The following TRPM3 variants were observed in gnomAD, a reference collection of about 807,000 sequenced individuals.
The protein encoded by TRPM3 is transient receptor potential cation channel subfamily M member 3, also known as long transient receptor potential channel 3.
TRPM3 carries 77 observed loss-of-function variants against 181.2 expected under a neutral mutation model. The observed-to-expected ratio is 0.42, with a 90% CI of 0.35 to 0.51. The LOEUF (loss-of-function observed/expected upper bound fraction) is 0.51, where lower values mean the gene tolerates loss of function less well. Among genes scored for constraint, TRPM3 ranks in the 20% least tolerant of loss-of-function variants. The probability of loss-of-function intolerance (pLI) is 0.01; values close to 1 mark genes in which losing one functional copy is unlikely to be tolerated. For missense variants in TRPM3, 1,759 were observed against 2,196.7 expected (o/e 0.80, Z 3.98); for synonymous variants, 745 against 796.4 (o/e 0.94, Z 1.09).
chr9:71,018,598 A>G (rs969190945), intron 1 of TRPM3, among the ~76,000 whole-genome samples: 1 of 151,854 alleles, frequency 6.6e-6, no homozygotes, highest in African/African-American at 2.4e-5. Context: ...GACTCAATGA[A>G]GCTAACAAAA....
intron 1 of TRPM3, among the ~76,000 whole-genome samples, chr9:71,052,652 A>C (rs970224606): frequency 6.6e-6 from 1 of 152,106 alleles, no homozygotes; most frequent in Non-Finnish European, 1.5e-5. Flanking sequence ...ACGTCCATTC[A>C]AACAAACCAG....
chr9:71,063,261 C>T (rs78492166), intron 1 of TRPM3, among the ~76,000 whole-genome samples: 3,272 of 152,202 alleles, frequency 0.021, 45 homozygotes, highest in Middle Eastern at 0.054. Flanking sequence ...TGGAATGCTG[C>T]TCCTATGCAG....
intron 8 of TRPM3, among the ~76,000 whole-genome samples, chr9:70,688,532 A>C (rs2067599622): frequency 6.6e-6 from 1 of 152,110 alleles, no homozygotes; most frequent in Non-Finnish European, 1.5e-5. Context: ...ATTAGTGAAA[A>C]CATACCAGAC....
At chr9:71,288,092 A>C (rs1021667492) in intron 1 of TRPM3, among the ~76,000 whole-genome samples, 2 of 151,968 alleles carry the variant, frequency 1.3e-5, no homozygotes, top group African/African-American at 4.8e-5. Flanking sequence ...TGTTGGCTTG[A>C]TGGAAGTTTT....
intron 1 of TRPM3, among the ~76,000 whole-genome samples, chr9:70,993,607 A>T (rs1026240079): frequency 1.3e-5 from 2 of 152,004 alleles, no homozygotes; most frequent in African/African-American, 4.8e-5. Context: ...GTTCTGAATA[A>T]AGGTCAGAAC....
intron 1 of TRPM3, among the ~76,000 whole-genome samples, chr9:71,369,889 T>TC (rs1565505990): frequency 6.6e-6 from 1 of 152,172 alleles, no homozygotes; most frequent in Admixed American, 6.5e-5. Flanking sequence ...GCTCTCTTTT[T>TC]CCCCAACAGC....
chr9:70,653,585 A>G (rs560680958), intron 9 of TRPM3, among the ~76,000 whole-genome samples: 22 of 151,850 alleles, frequency 1.4e-4, no homozygotes, highest in Non-Finnish European at 2.2e-4. Context: ...TAATTTGGCT[A>G]AAATTCCTCA....
intron 1 of TRPM3, among the ~76,000 whole-genome samples, chr9:71,233,825 G>A (rs889048254): frequency 2.0e-5 from 3 of 152,346 alleles, no homozygotes; most frequent in Non-Finnish European, 2.9e-5. Flanking sequence ...TCTCTCTGCA[G>A]TGAAGCTCAA....
Position 70,610,744 on chromosome 9 carries a change from C to T in TRPM3, c.2532G>A (p.Met844Ile), listed in dbSNP as rs762205160. 1 of 1,614,096 alleles carries T rather than the reference C, an allele frequency of 6.2e-7. No homozygotes were observed. ...AGGACTCCCCGTTGTTTCGTCCCAACATTGCCTATGTTGGAAGAGAATCGA... is the reference window on the plus strand; with the variant it reads ...AGGACTCCCCGTTGTTTCGTCCCAATATTGCCTATGTTGGAAGAGAATCGA... ...KEEEDMELTA[M>I]LGRNNGESSR... Residue 844 changes from methionine to isoleucine, a missense_variant, in exon 19 of 26, where the codon ATG (methionine) becomes ATA (isoleucine). Around this residue, in one of 8 missense-constraint regions of TRPM3, gnomAD observed 114 missense variants for 134.8 expected, o/e 0.85. Coordinates refer to ENST00000677713, the MANE Select transcript of TRPM3 (RefSeq NM_001366145.2).
At chr9:71,009,241 TA>T (rs2097710724) in intron 1 of TRPM3, among the ~76,000 whole-genome samples, 1 of 151,960 alleles carries the variant, frequency 6.6e-6, no homozygotes, top group African/African-American at 2.4e-5. Flanking sequence ...GAGAAAGGAA[TA>T]AAGGGCACTC....
At chr9:70,991,562 T>TG (rs759788320) in intron 1 of TRPM3, among the ~76,000 whole-genome samples, 2 of 138,472 alleles carry the variant, frequency 1.4e-5, no homozygotes, top group South Asian at 2.1e-4. Context: ...TCTGTTTTTT[T>TG]TTTTTTTTTT....
chr9:71,204,281 C>CA (rs1427249809), intron 1 of TRPM3, among the ~76,000 whole-genome samples: 1 of 150,936 alleles, frequency 6.6e-6, no homozygotes, highest in African/African-American at 2.4e-5. Flanking sequence ...AGGCAACCTA[C>CA]AGAATGGGAG....
intron 3 of TRPM3, among the ~76,000 whole-genome samples, chr9:70,848,292 C>T (rs2095066342): frequency 1.3e-5 from 2 of 151,600 alleles, no homozygotes; most frequent in East Asian, 1.9e-4. Flanking sequence ...ATAATAGATC[C>T]AGAAGATAAA....
At chr9:70,949,972 C>T (rs1369024951) in intron 1 of TRPM3, among the ~76,000 whole-genome samples, 1 of 152,018 alleles carries the variant, frequency 6.6e-6, no homozygotes, top group Non-Finnish European at 1.5e-5. Context: ...AACTTGGATG[C>T]TAATTTGGCA....
intron 9 of TRPM3, among the ~76,000 whole-genome samples, chr9:70,660,470 C>G: frequency 6.6e-6 from 1 of 152,088 alleles, no homozygotes; most frequent in East Asian, 1.9e-4. Flanking sequence ...AATTTTCATC[C>G]TACATATGTT....
chr9:71,347,368 T>C (rs1344359847), intron 1 of TRPM3, among the ~76,000 whole-genome samples: 1 of 152,220 alleles, frequency 6.6e-6, no homozygotes, highest in African/African-American at 2.4e-5. Context: ...TTTTCTTGTT[T>C]TGTTTTCTGA....
intron 1 of TRPM3, among the ~76,000 whole-genome samples, chr9:71,232,409 T>C: frequency 6.6e-6 from 1 of 150,730 alleles, no homozygotes; most frequent in Admixed American, 6.6e-5. Context: ...ATCTATTCAC[T>C]ATAAAAATTG....
rs149658863 is a variant in TRPM3 at position 71,343,663 on chromosome 9, T to C, written c.183+102990A>G. Reference sequence around the variant, plus strand: ...AATATATATTTATATTCTATCTCTGTCCACTGAAAGGGCCTCCAAGTAATA... The same window carrying C: ...AATATATATTTATATTCTATCTCTGCCCACTGAAAGGGCCTCCAAGTAATA... On this transcript the variant is annotated intron_variant, in intron 1 of 24. Transcript: ENST00000357533. 1.6e-3 allele frequency among the ~76,000 whole-genome samples: 247 copies of C among 152,226 alleles called. 1 individual carries two copies. The highest frequency in any genetic ancestry group is 5.5e-3 in the African/African-American group (229 of 41,542).
chr9:70,765,944 AT>A (rs1182144963), intron 7 of TRPM3, among the ~76,000 whole-genome samples: 27 of 152,170 alleles, frequency 1.8e-4, no homozygotes, highest in Non-Finnish European at 3.5e-4. Flanking sequence ...CGGTCATAGT[AT>A]TATGTGAAAT....
Sources: gnomAD v4.1 joint callset for allele counts (sites outside exome capture counted in the v4.1 genomes callset) on GRCh38, gnomAD v4.1.1 for gene constraint, gnomAD v4.1.1 regional missense constraint, MANE v1.5 for transcripts, NCBI Gene and HGNC (gene_info 2026-07-23, HGNC 2026-07-21) for gene names.